Variants in PTK7 observed in about 807,000 individuals in gnomAD.
The protein encoded by PTK7 is protein tyrosine kinase 7 (inactive).
A neutral mutation model predicts 116.6 loss-of-function variants in PTK7; 39 were observed. The ratio of observed to expected loss-of-function variants is 0.33; its 90% CI spans 0.26 to 0.44. The LOEUF (loss-of-function observed/expected upper bound fraction) is 0.44, where lower values mean the gene tolerates loss of function less well. Ranked by LOEUF, PTK7 falls within the 20% of genes least tolerant of loss-of-function variation. The pLI is 1.00. For missense variants in PTK7, 1,169 were observed against 1,425.6 expected (o/e 0.82, Z 2.90); for synonymous variants, 546 against 563.6 (o/e 0.97, Z 0.44).
intron 1 of PTK7, among the ~76,000 whole-genome samples, chr6:43,109,203 T>G (rs987748124): frequency 6.6e-6 from 1 of 152,126 alleles, no homozygotes; most frequent in African/African-American, 2.4e-5. Context: ...CTGAACCTTT[T>G]TATTTATCTT....
In PTK7 at chr6:43,145,697, C is replaced by T; in HGVS notation, c.2640+265C>T. 1 of 283,610 alleles carries T rather than the reference C, an allele frequency of 3.5e-6. No homozygotes were observed. Among genetic ancestry groups the T allele is most frequent in the Non-Finnish European group, 6.5e-6 (1 of 152,688 alleles). The allele number at this position is 283,610 out of a possible 1,614,324, so 17.6% of individuals were successfully genotyped here. ...GGTCCTAAGTTTTTCTGGGACTTCT[C>T]ACTGTCACACTGCAGGGATGCCTTC... On this transcript the variant is annotated intron_variant, in intron 16 of 19. Transcript: ENST00000230419. The surrounding 1 kb of genome is among the most constrained non-coding windows in gnomAD (Gnocchi z 4.8).
intron 1 of PTK7, among the ~76,000 whole-genome samples, chr6:43,105,255 T>C (rs1222457634): frequency 6.7e-6 from 1 of 150,140 alleles, no homozygotes; most frequent in Admixed American, 6.6e-5. Flanking sequence ...TAGATGCCTG[T>C]ACAGAGAATA....
At chr6:43,127,924 G>A (rs1026563781) in intron 1 of PTK7, among the ~76,000 whole-genome samples, 4 of 151,184 alleles carry the variant, frequency 2.6e-5, no homozygotes, top group Admixed American at 6.6e-5. Context: ...TCGAGACTCC[G>A]TCTCAAAAAA....
At chr6:43,144,812 CT>C in intron 15 of PTK7, 1 of 502,972 alleles carries the variant, frequency 2.0e-6, no homozygotes. Flanking sequence ...TGTGTACTAC[CT>C]GTAGTATTAT....
Position 43,143,515 on chromosome 6 carries a change from A to G in PTK7, c.2146A>G (p.Ile716Val), listed in dbSNP as rs1359523771. 4 of 1,613,996 alleles carry G rather than the reference A, an allele frequency of 2.5e-6. No homozygotes were observed. The highest frequency in any genetic ancestry group is 3.4e-6 in the Non-Finnish European group (4 of 1,180,030). The change falls in exon 14 of 20, where the codon ATC becomes GTC. Residue 716 changes from isoleucine (I) to valine (V), a missense_variant. Physicochemically the swap from Ile to Val is conservative, Grantham distance 29. Coordinates refer to ENST00000230419, the MANE Select transcript of PTK7 (RefSeq NM_002821.5). The surrounding 1 kb of genome is among the most constrained non-coding windows in gnomAD (Gnocchi z 4.2). ...GTCGGTGGGTGCCGCTGTGGCCTAC[A>G]TCATTGCCGTGCTGGGCCTCATGTT... Reference protein sequence around the residue: ...GLSVGAAVAYIIAVLGLMFYC... With the variant: ...GLSVGAAVAYVIAVLGLMFYC...
chr6:43,150,787 CT>C (rs1176963526), intron 17 of PTK7, among the ~76,000 whole-genome samples: 47 of 60,744 alleles, frequency 7.7e-4, no homozygotes, highest in East Asian at 2.6e-3. Context: ...GTAGACTCAG[CT>C]TTTTTTTTTT....
intron 1 of PTK7, among the ~76,000 whole-genome samples, chr6:43,099,423 C>T (rs1229125495): frequency 6.6e-6 from 1 of 151,958 alleles, no homozygotes; most frequent in Non-Finnish European, 1.5e-5. Flanking sequence ...TTTATAGAGT[C>T]AGGGTATCAC....
intron 1 of PTK7, among the ~76,000 whole-genome samples, chr6:43,116,380 G>C (rs1176012565): frequency 6.6e-6 from 1 of 152,170 alleles, no homozygotes; most frequent in Admixed American, 6.5e-5. Context: ...GCAGCCTGCT[G>C]CCACAGGCCC....
Position 43,149,301 on chromosome 6 carries a change from G to A in PTK7, c.2721+2603G>A, listed in dbSNP as rs191352330. On this transcript the variant is annotated intron_variant, in intron 17 of 19. Transcript: ENST00000230419. Reference sequence around the variant, plus strand: ...GCAGGAGAATCGCTTGAGCCTGGGAGGCAGAGGTTGCAGTGAGCTGAGATC... The same window carrying A: ...GCAGGAGAATCGCTTGAGCCTGGGAAGCAGAGGTTGCAGTGAGCTGAGATC... Among the ~76,000 whole-genome samples, 308 of 152,206 alleles carry A rather than the reference G, an allele frequency of 2.0e-3. 5 individuals carry two copies. The highest frequency in any genetic ancestry group is 5.8e-4 in the East Asian group (3 of 5,184).
At chr6:43,091,251 C>G (rs1474214051) in intron 1 of PTK7, among the ~76,000 whole-genome samples, 1 of 150,678 alleles carries the variant, frequency 6.6e-6, no homozygotes, top group East Asian at 2.0e-4. Context: ...ATCTCTGTCT[C>G]CTGGGTTCAA....
At chr6:43,127,313 T>A (rs1489829897) in intron 1 of PTK7, among the ~76,000 whole-genome samples, 2 of 152,196 alleles carry the variant, frequency 1.3e-5, no homozygotes, top group Admixed American at 6.5e-5. Context: ...GCCCAGTGGC[T>A]CCAGGCCTCT....
At chr6:43,106,467 C>T (rs1767892955) in intron 1 of PTK7, among the ~76,000 whole-genome samples, 1 of 151,908 alleles carries the variant, frequency 6.6e-6, no homozygotes, top group South Asian at 2.1e-4. Flanking sequence ...ACCACCATGC[C>T]TAGATAATGG....
chr6:43,153,947 C>G (rs1771272670), intron 17 of PTK7, among the ~76,000 whole-genome samples: 1 of 151,974 alleles, frequency 6.6e-6, no homozygotes, highest in African/African-American at 2.4e-5. Context: ...AGGTGGATCA[C>G]TTAATGGCAG....
intron 1 of PTK7, among the ~76,000 whole-genome samples, chr6:43,100,632 G>T (rs1034246): frequency 0.19 from 28,767 of 151,830 alleles, 3,389 homozygotes; most frequent in Non-Finnish European, 0.27. Context: ...CTTTAATTTG[G>T]CCGTGTCCAA....
At chr6:43,127,626 A>G (rs1346042780) in intron 1 of PTK7, among the ~76,000 whole-genome samples, 1 of 152,172 alleles carries the variant, frequency 6.6e-6, no homozygotes, top group East Asian at 1.9e-4. Context: ...ATGGATTTTC[A>G]GGGATAAAGA....
At chr6:43,120,447 G>C (rs946545526) in intron 1 of PTK7, among the ~76,000 whole-genome samples, 3 of 152,184 alleles carry the variant, frequency 2.0e-5, no homozygotes, top group African/African-American at 7.2e-5. Context: ...AGGTCTCCCG[G>C]GGAGGCTGCA....
intron 19 of PTK7, 28 bp downstream of exon 19, chr6:43,159,994 TTCCAGATGGGC>T (rs1771751459): frequency 5.0e-6 from 8 of 1,600,444 alleles, no homozygotes; most frequent in Admixed American, 1.7e-5. Context: ...TAGGGGATGA[TTCCAGATGGGC>T]CCCAGATGGG....
rs1486329282 is a variant in PTK7 at position 43,158,878 on chromosome 6, A to C, written c.2783A>C (p.His928Pro). 1 of 1,614,072 alleles carries C rather than the reference A, an allele frequency of 6.2e-7. No homozygotes were observed. The highest frequency in any genetic ancestry group is 8.5e-7 in the Non-Finnish European group (1 of 1,180,048). Residue 928 changes from histidine (H) to proline (P), a missense_variant, in exon 18 of 20, where the codon CAT becomes CCT. Physicochemically the swap from His to Pro is moderately conservative, Grantham distance 77. Around this residue, in one of 3 missense-constraint regions of PTK7, gnomAD observed 678 missense variants for 853.8 expected, o/e 0.79. Coordinates refer to ENST00000230419, the MANE Select transcript of PTK7 (RefSeq NM_002821.5). ...MEHLSNNRFV[H>P]KDLAARNCLV... ...CACCTGTCCAACAACCGCTTTGTGC[A>C]TAAGGACTTGGCTGCGCGTAACTGC...
At chr6:43,083,433 G>A (rs1766483447) in intron 1 of PTK7, among the ~76,000 whole-genome samples, 1 of 152,258 alleles carries the variant, frequency 6.6e-6, no homozygotes, top group South Asian at 2.1e-4. Context: ...TCCTATGTTG[G>A]AATTCTCTTG....
Sources: allele counts gnomAD v4.1 joint callset (sites outside exome capture counted in the v4.1 genomes callset), GRCh38; gene constraint gnomAD v4.1.1; regional missense constraint gnomAD v4.1.1; non-coding constraint Gnocchi (gnomAD v3.1); transcripts MANE v1.5; gene names NCBI Gene and HGNC (gene_info 2026-07-23, HGNC 2026-07-21).